Variants in CRB1 observed in about 807,000 individuals in gnomAD.
The protein encoded by CRB1 is crumbs cell polarity complex component 1.
In CRB1, 83 loss-of-function variants were observed where a neutral mutation model predicts 120.0. The observed-to-expected ratio is 0.69, with a 90% CI of 0.58 to 0.83. CRB1 has a LOEUF of 0.83. Among genes scored for constraint, CRB1 ranks in the 40% least tolerant of loss-of-function variants. The pLI, the probability that CRB1 is intolerant of heterozygous loss-of-function variation, is 0.00. For synonymous variants in CRB1, 625 were observed against 612.5 expected, an observed-to-expected ratio of 1.02 and a Z score of -0.30; for missense variants, 1,699 against 1,687.6, an observed-to-expected ratio of 1.01 and a Z score of -0.12.
the CRB1 span, among the ~76,000 whole-genome samples, chr1:197,202,618 A>G: frequency 6.6e-6 from 1 of 152,212 alleles, no homozygotes; most frequent in East Asian, 1.9e-4. Context: ...ATTAAAACAG[A>G]AGGGCTGATC....
intron 5 of CRB1, among the ~76,000 whole-genome samples, chr1:197,419,741 G>A (rs1017660521): frequency 4.7e-5 from 7 of 150,528 alleles, no homozygotes; most frequent in South Asian, 2.1e-4. Flanking sequence ...TTGGGAGGCC[G>A]AGGCGGGTGG....
At chr1:197,360,172 T>A (rs767349469) in intron 5 of CRB1, among the ~76,000 whole-genome samples, 1 of 152,210 alleles carries the variant, frequency 6.6e-6, no homozygotes, top group Admixed American at 6.5e-5. Context: ...CCTAGAACAC[T>A]TCCTTCCCAA....
At chr1:197,470,651 T>C (rs768489618) in intron 11 of CRB1, among the ~76,000 whole-genome samples, 3 of 152,252 alleles carry the variant, frequency 2.0e-5, no homozygotes, top group Non-Finnish European at 4.4e-5. Context: ...AGCAATGTCC[T>C]CAAACCTCTA....
intron 5 of CRB1, among the ~76,000 whole-genome samples, chr1:197,372,525 C>T (rs1027195736): frequency 1.3e-5 from 2 of 152,262 alleles, no homozygotes; most frequent in Admixed American, 1.3e-4. Context: ...ACAGAAGCAT[C>T]GCTTGCAGCT....
chr1:197,381,799 C>T (rs1021267302), intron 5 of CRB1, among the ~76,000 whole-genome samples: 1 of 152,200 alleles, frequency 6.6e-6, no homozygotes, highest in African/African-American at 2.4e-5. Context: ...AATTTACACA[C>T]TGATTGGTGA....
chr1:197,413,982 T>G, intron 5 of CRB1: 1 of 456,780 alleles, frequency 2.2e-6, no homozygotes, highest in Admixed American at 2.3e-5. Flanking sequence ...TTTTCACATT[T>G]TAATGGCAAT....
At chr1:197,345,590 C>A (rs762772493) in intron 3 of CRB1, among the ~76,000 whole-genome samples, 1 of 145,612 alleles carries the variant, frequency 6.9e-6, no homozygotes, top group Non-Finnish European at 1.5e-5. Flanking sequence ...TTCACCGCAA[C>A]CTCCGCCTTC....
rs202209651 is a variant in CRB1 at position 197,268,411 on chromosome 1, C to G, written c.-2C>G. 2 of 1,605,266 alleles carry G rather than the reference C, an allele frequency of 1.2e-6. No homozygotes were observed. The highest frequency in any genetic ancestry group is 2.2e-5 in the South Asian group (2 of 90,916). The stretch of plus-strand genomic sequence containing the variant: ...ACCAGAGGATGTTCTCTAAATAAGA[C>G]CATGGCACTTAAGAACATTAACTAC... On this transcript the variant is annotated 5_prime_UTR_variant, in exon 1 of 12. Transcript: ENST00000367400.
the CRB1 span, among the ~76,000 whole-genome samples, chr1:197,213,948 T>G: frequency 6.6e-6 from 1 of 151,816 alleles, no homozygotes; most frequent in African/African-American, 2.4e-5. Flanking sequence ...AAATAAACAA[T>G]CTAACTTTCC....
intron 1 of CRB1, among the ~76,000 whole-genome samples, chr1:197,318,492 C>G (rs1657986453): frequency 6.6e-6 from 1 of 152,188 alleles, no homozygotes; most frequent in Non-Finnish European, 1.5e-5. Context: ...AGCAATCCCA[C>G]TACTGTGTAT....
At chr1:197,226,061 C>G in the CRB1 span, among the ~76,000 whole-genome samples, 1 of 152,048 alleles carries the variant, frequency 6.6e-6, no homozygotes, top group African/African-American at 2.4e-5. Context: ...CCACTATGCC[C>G]AACTAACTTT....
At chr1:197,209,946 C>A in the CRB1 span, among the ~76,000 whole-genome samples, 2 of 152,200 alleles carry the variant, frequency 1.3e-5, no homozygotes, top group South Asian at 2.1e-4. Flanking sequence ...TATCCCAGGG[C>A]AGCTATCTGC....
intron 5 of CRB1, among the ~76,000 whole-genome samples, chr1:197,379,226 A>G (rs1661807505): frequency 6.6e-6 from 1 of 152,230 alleles, no homozygotes; most frequent in African/African-American, 2.4e-5. Context: ...ATAAATGTAC[A>G]TAATAAAATA....
intron 8 of CRB1, among the ~76,000 whole-genome samples, chr1:197,432,831 C>T (rs777842399): frequency 1.3e-5 from 2 of 151,908 alleles, no homozygotes; most frequent in Non-Finnish European, 2.9e-5. Context: ...GACATTTGAG[C>T]GATATTAACA....
chr1:197,369,732 A>T (rs1158986330), intron 5 of CRB1, among the ~76,000 whole-genome samples: 1 of 152,094 alleles, frequency 6.6e-6, no homozygotes, highest in Non-Finnish European at 1.5e-5. Context: ...TGCTCTCTAC[A>T]TACCCTAATT....
chr1:197,433,655 T>G (rs916480892), intron 8 of CRB1, among the ~76,000 whole-genome samples: 2 of 152,172 alleles, frequency 1.3e-5, no homozygotes, highest in African/African-American at 2.4e-5. Flanking sequence ...TGTATTTTTA[T>G]TTTTTAAGAT....
chr1:197,385,896 A>G (rs1662190856), intron 5 of CRB1, among the ~76,000 whole-genome samples: 1 of 152,144 alleles, frequency 6.6e-6, no homozygotes, highest in Non-Finnish European at 1.5e-5. Context: ...AGAAGTGGTT[A>G]AAAAACAATC....
intron 1 of CRB1, among the ~76,000 whole-genome samples, chr1:197,292,257 G>T (rs906763281): frequency 1.3e-5 from 2 of 151,894 alleles, no homozygotes; most frequent in African/African-American, 4.8e-5. Flanking sequence ...TCCCACAGAA[G>T]TACAAACTAC....
chr1:197,367,261 A>C (rs897075566), intron 5 of CRB1, among the ~76,000 whole-genome samples: 1 of 152,184 alleles, frequency 6.6e-6, no homozygotes, highest in Non-Finnish European at 1.5e-5. Context: ...TGGGGATAAA[A>C]TGATGAGAGT....
Sources: allele counts gnomAD v4.1 joint callset (sites outside exome capture counted in the v4.1 genomes callset), GRCh38; gene constraint gnomAD v4.1.1; transcripts MANE v1.5; gene names NCBI Gene and HGNC (gene_info 2026-07-23, HGNC 2026-07-21).